Variants in NAV3 observed in about 807,000 individuals in gnomAD.
NAV3 encodes neuron navigator 3.
Under a neutral mutation model 244.7 loss-of-function variants are expected in NAV3, and 87 were observed. That is an observed-to-expected ratio of 0.36 (90% CI 0.30 to 0.42). The LOEUF is 0.42. Ranked by LOEUF, NAV3 falls within the 20% of genes least tolerant of loss-of-function variation. The probability of loss-of-function intolerance (pLI) is 1.00; values close to 1 mark genes in which losing one functional copy is unlikely to be tolerated. For synonymous variants in NAV3, 1,126 were observed against 1,042.2 expected, an observed-to-expected ratio of 1.08 and a Z score of -1.55; for missense variants, 2,663 against 2,893.3, an observed-to-expected ratio of 0.92 and a Z score of 1.83.
rs1305574661 is a variant in NAV3 at position 78,045,008 on chromosome 12, G to A, written c.2024-4985G>A. ...ATGGAGGGCACCCTTGTGTTGTGCA[G>A]GTTTTCAAAGGGAATGCTTCCAGCT... On this transcript the variant is annotated intron_variant, in intron 9 of 39. Transcript: ENST00000397909. Among the ~76,000 whole-genome samples, 5 of 152,066 alleles carry A rather than the reference G, an allele frequency of 3.3e-5. No homozygotes were observed. In the South Asian group the frequency reaches 6.2e-4, roughly 19 times the overall value.
intron 2 of NAV3, among the ~76,000 whole-genome samples, chr12:77,634,199 G>A (rs557643422): frequency 6.6e-6 from 1 of 151,488 alleles, no homozygotes; most frequent in South Asian, 2.1e-4. Context: ...AGCTTAACTG[G>A]TCCCTGACAT....
At chr12:78,086,465 G>T (rs752825277) in intron 12 of NAV3, among the ~76,000 whole-genome samples, 5 of 152,012 alleles carry the variant, frequency 3.3e-5, no homozygotes, top group Non-Finnish European at 7.4e-5. Flanking sequence ...ATGCCAAAAT[G>T]CTCAGGTCTT....
intron 12 of NAV3, among the ~76,000 whole-genome samples, chr12:78,059,359 G>C (rs1566075767): frequency 6.6e-6 from 1 of 151,994 alleles, no homozygotes; most frequent in Non-Finnish European, 1.5e-5. Flanking sequence ...TGCAATCTCA[G>C]CTCACTGCAA....
chr12:77,805,032 T>C (rs888039656), intron 2 of NAV3, among the ~76,000 whole-genome samples: 1 of 152,206 alleles, frequency 6.6e-6, no homozygotes, highest in African/African-American at 2.4e-5. Flanking sequence ...GTCTTGAGAC[T>C]ACTGAAGTTG....
intron 12 of NAV3, among the ~76,000 whole-genome samples, chr12:78,113,842 G>A (rs1447503254): frequency 1.3e-5 from 2 of 152,158 alleles, no homozygotes; most frequent in Non-Finnish European, 2.9e-5. Context: ...GCATCATCAG[G>A]TTGCAAATTT....
rs1958839654 is a variant in NAV3 at position 78,188,773 on chromosome 12, C to A, written c.6051C>A (p.Leu2017=). Residue 2017 remains leucine (L), a synonymous_variant, in exon 33 of 40, where the codon CTC becomes CTA. Transcript: ENST00000397909. ...ATAATAACATCATCACTGTGAACCT[C>A]AAAGGTAAAAGCAATAATGAAAAGC... The part of the protein sequence containing the change: ...VGDNNIITVN[L]KGVEENSLDS... 1.2e-6 allele frequency: 2 copies of A among 1,610,826 alleles called. No homozygotes were observed. Among genetic ancestry groups the A allele is most frequent in the Non-Finnish European group, 1.7e-6 (2 of 1,178,116 alleles).
intron 2 of NAV3, among the ~76,000 whole-genome samples, chr12:77,791,417 T>C (rs892171894): frequency 3.3e-5 from 5 of 152,056 alleles, no homozygotes; most frequent in Admixed American, 2.6e-4. Flanking sequence ...CTCAATCTTA[T>C]GGATAGGCCC....
At chr12:77,885,277 T>C (rs1038539322) in intron 1 of NAV3, among the ~76,000 whole-genome samples, 2 of 152,138 alleles carry the variant, frequency 1.3e-5, no homozygotes, top group Admixed American at 1.3e-4. Flanking sequence ...GAAACACTCT[T>C]AAAATGTAAT....
In NAV3 at chr12:78,179,685, T is replaced by G. The variant is rs1958416596; in HGVS notation, c.5517+3T>G. The G allele has an allele frequency of 5.6e-6, 9 of 1,609,658 alleles. No homozygotes were observed. The highest frequency in any genetic ancestry group is 7.6e-6 in the Non-Finnish European group (9 of 1,177,774). On this transcript the variant is annotated splice_donor_region_variant and intron_variant, in intron 29 of 39. Transcript: ENST00000397909. The stretch of plus-strand genomic sequence containing the variant: ...GGGAAGCCATGAACCGGATGCAGGT[T>G]GGTACTGAAGCACTTTCAAGGAATA...
intron 1 of NAV3, among the ~76,000 whole-genome samples, chr12:77,839,785 G>A (rs1290653987): frequency 2.0e-5 from 3 of 152,162 alleles, no homozygotes; most frequent in Admixed American, 2.0e-4. Flanking sequence ...ACCAGGTCTT[G>A]AAGGTTAAGC....
In NAV3 at chr12:78,043,423, T is replaced by A. The variant is rs892650253; in HGVS notation, c.2024-6570T>A. On this transcript the variant is annotated intron_variant, in intron 9 of 39. Transcript: ENST00000397909. ...GCATGTGTCTTTATAATAGAATGAT[T>A]TATAATCCTTTGGTTGTATACTCAT... Among the ~76,000 whole-genome samples, 27 of 152,316 alleles carry A rather than the reference T, an allele frequency of 1.8e-4. No individual in the cohort carries two copies. The Middle Eastern group carries it at 0.01, about 58-fold the overall frequency.
chr12:77,767,456 G>T (rs1021991893), intron 2 of NAV3, among the ~76,000 whole-genome samples: 1 of 152,140 alleles, frequency 6.6e-6, no homozygotes, highest in Non-Finnish European at 1.5e-5. Flanking sequence ...TCTGCACTTG[G>T]CTAGCACTAC....
chr12:77,594,352 G>A (rs1167606620), intron 2 of NAV3, among the ~76,000 whole-genome samples: 2 of 152,024 alleles, frequency 1.3e-5, no homozygotes, highest in Non-Finnish European at 2.9e-5. Context: ...TCCTTCCAGG[G>A]CTTAAGTAAA....
Position 77,895,309 on chromosome 12 carries a change from T to TTGTG in NAV3, c.244-44984_244-44981dup, listed in dbSNP as rs71440496. Among the ~76,000 whole-genome samples the TTGTG allele has an allele frequency of 4.9e-3, 730 of 148,558 alleles. 3 individuals carry two copies. The highest frequency in any genetic ancestry group is 7.8e-3 in the East Asian group (39 of 5,016). ...TAATTTTAAAATAGGTTTAGAATGA[T>TTGTG]TGTGTGTGTGTGTGTGTGTGTGTGT... On this transcript the variant is annotated intron_variant, in intron 1 of 39. Coordinates refer to ENST00000397909, the MANE Select transcript of NAV3 (RefSeq NM_001024383.2).
chr12:77,663,513 C>T (rs1392890033), intron 2 of NAV3, among the ~76,000 whole-genome samples: 1 of 145,008 alleles, frequency 6.9e-6, no homozygotes, highest in Non-Finnish European at 1.5e-5. Flanking sequence ...TTTCTTTCTT[C>T]TTCTTCTTCT....
chr12:77,744,687 A>AGAGTATTTT (rs549897884), intron 2 of NAV3, among the ~76,000 whole-genome samples: 156 of 152,060 alleles, frequency 1.0e-3, no homozygotes, highest in African/African-American at 3.2e-3. Flanking sequence ...ACCGAATTTT[A>AGAGTATTTT]AGGAGATTAT....
At chr12:77,625,381 A>C (rs1007289356) in intron 2 of NAV3, among the ~76,000 whole-genome samples, 2 of 152,168 alleles carry the variant, frequency 1.3e-5, no homozygotes, top group Non-Finnish European at 2.9e-5. Context: ...TATATATGAA[A>C]ATACTTTGTG....
At chr12:77,974,547 C>A (rs2136203362) in intron 5 of NAV3, among the ~76,000 whole-genome samples, 1 of 152,256 alleles carries the variant, frequency 6.6e-6, no homozygotes, top group Non-Finnish European at 1.5e-5. Context: ...ATCTGCCCGC[C>A]TCAGCCTCCC....
intron 12 of NAV3, among the ~76,000 whole-genome samples, chr12:78,067,476 G>C: frequency 6.6e-6 from 1 of 151,952 alleles, no homozygotes. Flanking sequence ...AATATGAACA[G>C]GTTCTGGACT....
Sources: gnomAD v4.1 joint callset for allele counts (sites outside exome capture counted in the v4.1 genomes callset) on GRCh38, gnomAD v4.1.1 for gene constraint, MANE v1.5 for transcripts, NCBI Gene and HGNC (gene_info 2026-07-23, HGNC 2026-07-21) for gene names.